KDM4C: variants seen among roughly 807,000 people sequenced by gnomAD.
KDM4C encodes lysine-specific demethylase 4C.
A neutral mutation model predicts 129.3 loss-of-function variants in KDM4C; 81 were observed. That is an observed-to-expected ratio of 0.63 (90% CI 0.52 to 0.75). The LOEUF is 0.75. KDM4C is among the 30% of genes least tolerant of loss of function. The pLI, the probability that KDM4C is intolerant of heterozygous loss-of-function variation, is 0.00. For synonymous variants in KDM4C, 573 were observed against 456.1 expected, an observed-to-expected ratio of 1.26 and a Z score of -3.26; for missense variants, 1,457 against 1,304.0, an observed-to-expected ratio of 1.12 and a Z score of -1.81.
intron 15 of KDM4C, among the ~76,000 whole-genome samples, chr9:7,036,166 A>AT (rs1307449226): frequency 6.6e-6 from 1 of 151,552 alleles, no homozygotes; most frequent in Non-Finnish European, 1.5e-5. Flanking sequence ...TTCTTTCTTC[A>AT]TTTTTTTATA....
intron 19 of KDM4C, among the ~76,000 whole-genome samples, chr9:7,129,365 TTTG>T (rs1840372257): frequency 6.6e-6 from 1 of 152,214 alleles, no homozygotes. Context: ...AGTGACCTTA[TTTG>T]AAAGATTTTA....
intron 15 of KDM4C, among the ~76,000 whole-genome samples, chr9:7,030,556 T>C (rs1438034245): frequency 6.6e-6 from 1 of 152,152 alleles, no homozygotes; most frequent in African/African-American, 2.4e-5. Flanking sequence ...TATGTATGTG[T>C]GCAGGCAAGA....
At chr9:7,128,299 T>G in intron 19 of KDM4C, 63 bp downstream of exon 19, 1 of 1,315,756 alleles carries the variant, frequency 7.6e-7, no homozygotes, top group Non-Finnish European at 1.0e-6. Context: ...CCAAAGTAAC[T>G]GAGCCCTTCA....
intron 1 of KDM4C, among the ~76,000 whole-genome samples, chr9:6,784,299 C>T (rs1236003890): frequency 6.6e-6 from 1 of 152,082 alleles, no homozygotes; most frequent in African/African-American, 2.4e-5. Context: ...TGTTCCTGGT[C>T]CTGAGGAGAA....
chr9:7,079,325 TTTTG>T (rs987417010), intron 17 of KDM4C, among the ~76,000 whole-genome samples: 3 of 152,144 alleles, frequency 2.0e-5, no homozygotes, highest in African/African-American at 4.8e-5. Context: ...TGACTTTGTT[TTTTG>T]TTTGTTTGTT....
chr9:6,931,013 C>G (rs947580621), intron 8 of KDM4C, among the ~76,000 whole-genome samples: 2 of 152,116 alleles, frequency 1.3e-5, no homozygotes, highest in Non-Finnish European at 1.5e-5. Flanking sequence ...TGCTTCTTTG[C>G]CTGTGACTGA....
rs1403119104 is a variant in KDM4C, at chr9:6,791,696, G to GC, written c.-17-1275dup. On this transcript the variant is annotated intron_variant, in intron 1 of 21. Transcript: ENST00000381309. Reference sequence around the variant, plus strand: ...TCTGTTTCAGAACTGGTATATAGAAGCAACATCTTTTGTAAACTTGCAAGG... The same window carrying GC: ...TCTGTTTCAGAACTGGTATATAGAAGCCAACATCTTTTGTAAACTTGCAAGG... Among the ~76,000 whole-genome samples, 6 of 152,076 alleles carry GC rather than the reference G, an allele frequency of 3.9e-5. No individual in the cohort carries two copies. The East Asian group carries it at 1.2e-3, about 29-fold the overall frequency.
In KDM4C at chr9:6,937,035, A is replaced by G. The variant is rs532972057; in HGVS notation, c.921+43803A>G. 5.3e-5 allele frequency among the ~76,000 whole-genome samples: 8 copies of G among 152,198 alleles called. No homozygotes were observed. In the South Asian group the frequency reaches 1.0e-3, roughly 20 times the overall value. On this transcript the variant is annotated intron_variant, in intron 8 of 21. Transcript: ENST00000381309. The stretch of plus-strand genomic sequence containing the variant: ...TTGGCCATTTTATTGTGTAGATTTT[A>G]TGTACATTCTTGCCACTTTTATCAG...
chr9:6,787,937 C>G (rs1241283240), intron 1 of KDM4C, among the ~76,000 whole-genome samples: 1 of 152,198 alleles, frequency 6.6e-6, no homozygotes, highest in Admixed American at 6.5e-5. Context: ...ATGCCAAACT[C>G]CTTTTCTCCC....
In KDM4C at chr9:7,015,988, C is replaced by T. The variant is rs1823588534; in HGVS notation, c.2259+59C>T. 8 of 1,236,654 alleles carry T rather than the reference C, an allele frequency of 6.5e-6. No homozygotes were observed. In the Admixed American group the frequency reaches 1.4e-4, roughly 21 times the overall value. The allele number at this position is 1,236,654 out of a possible 1,614,324, so 76.6% of individuals were successfully genotyped here. On this transcript the variant is annotated intron_variant, in intron 15 of 21. Transcript: ENST00000381309. ...CTTCCCACCCTACCCACTGTGGACACATTTAAGTCTAGGGAAAAGATAAGA... is the reference window on the plus strand; with the variant it reads ...CTTCCCACCCTACCCACTGTGGACATATTTAAGTCTAGGGAAAAGATAAGA...
chr9:7,116,420 A>G (rs568936560), intron 18 of KDM4C, among the ~76,000 whole-genome samples: 2 of 152,232 alleles, frequency 1.3e-5, no homozygotes, highest in African/African-American at 4.8e-5. Flanking sequence ...AATTGAGGTT[A>G]TATGGACCTT....
chr9:6,768,071 G>C (rs1445367735), intron 1 of KDM4C, among the ~76,000 whole-genome samples: 1 of 152,090 alleles, frequency 6.6e-6, no homozygotes, highest in Non-Finnish European at 1.5e-5. Flanking sequence ...CCTTTAGACA[G>C]CTAGTTCCCT....
At chr9:7,168,055 C>T (rs1016658077) in intron 20 of KDM4C, among the ~76,000 whole-genome samples, 5 of 152,046 alleles carry the variant, frequency 3.3e-5, no homozygotes, top group Admixed American at 6.6e-5. Context: ...GCATGGTTGG[C>T]GGCATGCTTA....
At chr9:6,916,518 C>T (rs985000234) in intron 8 of KDM4C, among the ~76,000 whole-genome samples, 1 of 152,068 alleles carries the variant, frequency 6.6e-6, no homozygotes, top group South Asian at 2.1e-4. Context: ...CATTGGCCTC[C>T]CAAAGTGCTG....
intron 8 of KDM4C, among the ~76,000 whole-genome samples, chr9:6,939,151 C>T (rs1825370259): frequency 6.6e-6 from 1 of 151,802 alleles, no homozygotes; most frequent in African/African-American, 2.4e-5. Context: ...AGGAGGTGAG[C>T]TAGCAAGGGC....
intron 4 of KDM4C, among the ~76,000 whole-genome samples, chr9:6,825,623 G>A (rs1308789153): frequency 6.6e-6 from 1 of 152,052 alleles, no homozygotes; most frequent in East Asian, 1.9e-4. Flanking sequence ...TTTACAAGTG[G>A]ACAGCATGTG....
intron 8 of KDM4C, among the ~76,000 whole-genome samples, chr9:6,953,063 T>G (rs554596237): frequency 2.5e-3 from 378 of 152,354 alleles, no homozygotes; most frequent in Non-Finnish European, 4.7e-3. Context: ...ATTTTCATGA[T>G]TAATTGATAC....
chr9:6,862,151 T>G (rs571821935), intron 5 of KDM4C, among the ~76,000 whole-genome samples: 32 of 152,316 alleles, frequency 2.1e-4, no homozygotes, highest in Non-Finnish European at 4.0e-4. Context: ...ACAGAAAACT[T>G]ATTTAACAAT....
intron 8 of KDM4C, among the ~76,000 whole-genome samples, chr9:6,905,028 T>G (rs1818069454): frequency 6.6e-6 from 1 of 152,232 alleles, no homozygotes. Flanking sequence ...ATACTATAGA[T>G]TTAAAACATT....
Sources: gnomAD v4.1 joint callset for allele counts (sites outside exome capture counted in the v4.1 genomes callset) on GRCh38, gnomAD v4.1.1 for gene constraint, MANE v1.5 for transcripts, NCBI Gene and HGNC (gene_info 2026-07-23, HGNC 2026-07-21) for gene names.